The following ZBTB11 variants were observed in gnomAD, a reference collection of about 807,000 sequenced individuals.
The protein encoded by ZBTB11 is zinc finger and BTB domain-containing protein 11.
In ZBTB11, 68 loss-of-function variants were observed where a neutral mutation model predicts 113.1. That is an observed-to-expected ratio of 0.60 (90% CI 0.49 to 0.74). The LOEUF is 0.74. Ranked by LOEUF, ZBTB11 falls within the 30% of genes least tolerant of loss-of-function variation. The pLI, the probability that ZBTB11 is intolerant of heterozygous loss-of-function variation, is 0.00. For synonymous variants in ZBTB11, 518 were observed against 452.6 expected, an observed-to-expected ratio of 1.14 and a Z score of -1.83; for missense variants, 1,104 against 1,279.4, an observed-to-expected ratio of 0.86 and a Z score of 2.09.
Position 101,665,340 on chromosome 3 carries a change from G to C in ZBTB11, c.1247C>G (p.Thr416Arg), listed in dbSNP as rs199877551. The C allele has an allele frequency of 1.2e-6, 2 of 1,614,074 alleles. No individual in the cohort carries two copies. The highest frequency in any genetic ancestry group is 2.7e-5 in the African/African-American group (2 of 75,018). The stretch of plus-strand genomic sequence containing the variant: ...TTCTAGTTCTGTCTGGTTGTTTTTT[G>C]TTATTAAATCAACAGACTCCATTTC... ...HPEMESVDLI[T>R]KNNQTELETS... The change falls in exon 4 of 11, where the codon ACA (threonine) becomes AGA (arginine). Residue 416 changes from threonine to arginine, a missense_variant. This residue lies in a region of ZBTB11 where 535 missense variants were observed against 518.6 expected (regional missense o/e 1.03). Coordinates refer to ENST00000312938, the MANE Select transcript of ZBTB11 (RefSeq NM_014415.4).
At chr3:101,672,280 C>T in intron 1 of ZBTB11, 67 bp from the exon 2 acceptor site, 1 of 1,133,522 alleles carries the variant, frequency 8.8e-7, no homozygotes, top group South Asian at 1.5e-5. Context: ...ATTATTTAGT[C>T]TGTGCACATT....
chr3:101,653,616 A>G (rs188174386), intron 8 of ZBTB11, among the ~76,000 whole-genome samples: 3 of 152,282 alleles, frequency 2.0e-5, no homozygotes, highest in African/African-American at 7.2e-5. Context: ...ATGTATTGAT[A>G]ACAAACTATC....
At chr3:101,652,136 A>C (rs551816386) in intron 10 of ZBTB11, among the ~76,000 whole-genome samples, 1 of 152,284 alleles carries the variant, frequency 6.6e-6, no homozygotes, top group South Asian at 2.1e-4. Context: ...CTCAAAAAAA[A>C]AAAGAATAAA....
intron 1 of ZBTB11, among the ~76,000 whole-genome samples, chr3:101,673,759 C>T (rs1159386420): frequency 6.6e-6 from 1 of 152,224 alleles, no homozygotes; most frequent in Non-Finnish European, 1.5e-5. Flanking sequence ...AAGTGATCTG[C>T]CCGCCTTGGC....
At chr3:101,670,325 G>A (rs1937067695) in intron 3 of ZBTB11, among the ~76,000 whole-genome samples, 1 of 152,174 alleles carries the variant, frequency 6.6e-6, no homozygotes, top group Admixed American at 6.5e-5. Context: ...AAAAGTTACA[G>A]CAAGTTTTAT....
rs769950303 is a variant in ZBTB11, at chr3:101,664,612, T to C, written c.1726A>G (p.Met576Val). Residue 576 changes from methionine to valine, a missense_variant, in exon 5 of 11, where the codon ATG becomes GTG. Around this residue, in one of 5 missense-constraint regions of ZBTB11, gnomAD observed 535 missense variants for 518.6 expected, o/e 1.03. Coordinates refer to ENST00000312938, the MANE Select transcript of ZBTB11 (RefSeq NM_014415.4). Reference sequence around the variant, plus strand: ...AGGGCGTATCGTCTCTGAAAAACCATTCCACATTCCCCACATTTATGAGAT... The same window carrying C: ...AGGGCGTATCGTCTCTGAAAAACCACTCCACATTCCCCACATTTATGAGAT... ...EASHKCGECG[M>V]VFQRRYALIM... 1.2e-5 allele frequency: 20 copies of C among 1,613,828 alleles called. No homozygotes were observed. The African/African-American group carries it at 2.5e-4, about 20-fold the overall frequency.
chr3:101,666,884 G>A (rs1937004887), intron 3 of ZBTB11, among the ~76,000 whole-genome samples: 2 of 152,090 alleles, frequency 1.3e-5, no homozygotes, highest in South Asian at 4.1e-4. Flanking sequence ...CGGAGTAGGT[G>A]CGACTACAGG....
chr3:101,672,210 A>G lies in ZBTB11; in HGVS notation c.314T>C (p.Ile105Thr). 2 of 1,589,400 alleles carry G rather than the reference A, an allele frequency of 1.3e-6. No individual in the cohort carries two copies. The highest frequency in any genetic ancestry group is 1.7e-6 in the Non-Finnish European group (2 of 1,167,240). ...AATGTAATCTTTGACTTGCTTCAAT[A>G]TACCTACAATGAAAATATTAACAAG... ...YLSKTYWWRG[I>T]LKQVKDYIKQ... The change falls in exon 2 of 11, where the codon ATA becomes ACA. Residue 105 changes from isoleucine (I) to threonine (T), a missense_variant. Ile to Thr is a moderately conservative substitution (Grantham distance 89). Coordinates refer to ENST00000312938, the MANE Select transcript of ZBTB11 (RefSeq NM_014415.4).
chr3:101,649,541 T>C lies in ZBTB11; in HGVS notation c.*1625A>G. ...AACTAAATCTAGTAACAACAGAGGA[T>C]GGAACATAAAAGACACAATTCCAAA... On this transcript the variant is annotated 3_prime_UTR_variant, in exon 11 of 11. Coordinates refer to ENST00000312938, the MANE Select transcript of ZBTB11 (RefSeq NM_014415.4). 1 of 152,212 alleles carries C rather than the reference T, an allele frequency of 6.6e-6. No individual in the cohort carries two copies. Among genetic ancestry groups the C allele is most frequent in the East Asian group, 1.9e-4 (1 of 5,196 alleles). The allele number at this position is 152,212 out of a possible 1,614,324, so 9.4% of individuals were successfully genotyped here.
Position 101,677,033 on chromosome 3 carries a change from C to G in ZBTB11, c.-119G>C. On this transcript the variant is annotated 5_prime_UTR_variant, in exon 1 of 11. Transcript: ENST00000312938. ...TAGGGAGAAACGGCTGCGCCTTTGG[C>G]GAGCGCTCTTCGACGGCTCCCTTAG... 2 of 1,188,116 alleles carry G rather than the reference C, an allele frequency of 1.7e-6. No individual in the cohort carries two copies. The highest frequency in any genetic ancestry group is 2.3e-6 in the Non-Finnish European group (2 of 876,634). The allele number at this position is 1,188,116 out of a possible 1,614,324, so 73.6% of individuals were successfully genotyped here. A position where few individuals can be genotyped will look rare whatever the true frequency, so the allele number is the denominator to read the frequency against.
Position 101,676,949 on chromosome 3 carries a change from G to A in ZBTB11, c.-35C>T, listed in dbSNP as rs201150167. 1.1e-5 allele frequency: 16 copies of A among 1,515,894 alleles called. No homozygotes were observed. In the East Asian group the frequency reaches 2.9e-4, roughly 27 times the overall value. The allele number at this position is 1,515,894 out of a possible 1,614,324, so 93.9% of individuals were successfully genotyped here. ...CGGCTCCCTGAGGGCGCCTGTCAGG[G>A]ACAGGTGAGGAAAACGGCCCGCTAC... On this transcript the variant is annotated 5_prime_UTR_variant, in exon 1 of 11. Coordinates refer to ENST00000312938, the MANE Select transcript of ZBTB11 (RefSeq NM_014415.4).
Position 101,676,842 on chromosome 3 carries a change from T to G in ZBTB11, c.73A>C (p.Thr25Pro). The G allele has an allele frequency of 1.9e-6, 3 of 1,611,670 alleles. No individual in the cohort carries two copies. The highest frequency in any genetic ancestry group is 2.5e-6 in the Non-Finnish European group (3 of 1,179,054). Residue 25 changes from threonine to proline, a missense_variant, in exon 1 of 11, where the codon ACC (threonine) becomes CCC (proline). Transcript: ENST00000312938. Reference sequence around the variant, plus strand: ...ATTTTACGCTTGACATTGCCCTCGGTGCCCGGCGCATACGGCTCGCGCTCG... The same window carrying G: ...ATTTTACGCTTGACATTGCCCTCGGGGCCCGGCGCATACGGCTCGCGCTCG... The part of the protein sequence containing the change: ...TNEREPYAPG[T>P]EGNVKRKIRK...
In ZBTB11 at chr3:101,671,160, A is replaced by C. The variant is rs778209173; in HGVS notation, c.748T>G (p.Ser250Ala). 9 of 1,614,202 alleles carry C rather than the reference A, an allele frequency of 5.6e-6. No individual in the cohort carries two copies. In the South Asian group the frequency reaches 8.8e-5, roughly 16 times the overall value. Residue 250 changes from serine (S) to alanine (A), a missense_variant, in exon 3 of 11, where the codon TCC becomes GCC. By Grantham distance (99) the Ser-to-Ala change is moderately conservative (BLOSUM62 1). Transcript: ENST00000312938. ...AGATCCACCACAGCCTCATGACTGG[A>C]AACAGCTCCTTTCTCAATAAAAAGA... ...RDLFIEKGAV[S>A]SHEAVVDLSG...
intron 3 of ZBTB11, among the ~76,000 whole-genome samples, chr3:101,669,528 A>G (rs1338917405): frequency 6.6e-6 from 1 of 152,178 alleles, no homozygotes; most frequent in Non-Finnish European, 1.5e-5. Context: ...CTGCTGAGAA[A>G]CCAGAAAAGA....
chr3:101,671,161 A>G lies in ZBTB11; in HGVS notation c.747T>C (p.Val249=). Reference sequence around the variant, plus strand: ...GATCCACCACAGCCTCATGACTGGAAACAGCTCCTTTCTCAATAAAAAGAT... The same window carrying G: ...GATCCACCACAGCCTCATGACTGGAGACAGCTCCTTTCTCAATAAAAAGAT... ...FRDLFIEKGA[V]SSHEAVVDLS... Residue 249 remains valine, a synonymous_variant, in exon 3 of 11, where the codon GTT becomes GTC. Transcript: ENST00000312938. The G allele has an allele frequency of 6.2e-7, 1 of 1,614,178 alleles. No homozygotes were observed. Among genetic ancestry groups the G allele is most frequent in the Non-Finnish European group, 8.5e-7 (1 of 1,180,024 alleles).
At chr3:101,669,351 CAT>C (rs1243857055) in intron 3 of ZBTB11, among the ~76,000 whole-genome samples, 1 of 152,198 alleles carries the variant, frequency 6.6e-6, no homozygotes, top group East Asian at 1.9e-4. Context: ...TTAAATCAAA[CAT>C]ATTTTTAAAA....
intron 6 of ZBTB11, among the ~76,000 whole-genome samples, chr3:101,657,140 CAA>C (rs11413892): frequency 9.5e-6 from 1 of 105,136 alleles, no homozygotes; most frequent in Admixed American, 1.1e-4. Flanking sequence ...GAATCAGTCT[CAA>C]AAAAAAAAAA....
chr3:101,676,993 G>T lies in ZBTB11; in HGVS notation c.-79C>A. ...CCGCTACCTACGGGCGGCTGCAGGA[G>T]GAGCGGCGGCACCGTAGGGAGAAAC... is the stretch of plus-strand genomic sequence containing the variant. On this transcript the variant is annotated 5_prime_UTR_variant, in exon 1 of 11. Transcript: ENST00000312938. 1 of 1,445,790 alleles carries T rather than the reference G, an allele frequency of 6.9e-7. No homozygotes were observed. 89.6% of individuals were successfully genotyped at this position (1,445,790 alleles called of 1,614,324 possible).
chr3:101,662,702 TGTTCTGAA>T (rs1415474179), intron 5 of ZBTB11, among the ~76,000 whole-genome samples: 1 of 152,178 alleles, frequency 6.6e-6, no homozygotes, highest in Non-Finnish European at 1.5e-5. Context: ...ATAAATCATA[TGTTCTGAA>T]GTTTTTTTCT....
Sources: gnomAD v4.1 joint callset for allele counts (sites outside exome capture counted in the v4.1 genomes callset) on GRCh38, gnomAD v4.1.1 for gene constraint, gnomAD v4.1.1 regional missense constraint, MANE v1.5 for transcripts, NCBI Gene and HGNC (gene_info 2026-07-23, HGNC 2026-07-21) for gene names.